Variants in NXPE2 observed in about 807,000 individuals in gnomAD.
NXPE2 encodes the protein NXPE family member 2.
In NXPE2, 34 loss-of-function variants were observed where a neutral mutation model predicts 34.4. The ratio of observed to expected loss-of-function variants is 0.99; its 90% CI spans 0.75 to 1.31. The LOEUF (loss-of-function observed/expected upper bound fraction) is 1.31, where lower values mean the gene tolerates loss of function less well. NXPE2 is among the 40% of genes most tolerant of loss of function. The probability of loss-of-function intolerance (pLI) is 0.00; values close to 1 mark genes in which losing one functional copy is unlikely to be tolerated. For missense variants in NXPE2, 649 were observed against 672.5 expected, an observed-to-expected ratio of 0.97 and a Z score of 0.39; for synonymous variants, 235 against 231.3, an observed-to-expected ratio of 1.02 and a Z score of -0.15.
the NXPE2 span, among the ~76,000 whole-genome samples, chr11:114,562,534 G>C: frequency 2.0e-5 from 3 of 152,230 alleles, no homozygotes; most frequent in South Asian, 6.2e-4. Flanking sequence ...TATCCAACAA[G>C]TTCTGTTTGA....
chr11:114,614,291 G>T, the NXPE2 span, among the ~76,000 whole-genome samples: 1 of 150,538 alleles, frequency 6.6e-6, no homozygotes, highest in South Asian at 2.1e-4. Flanking sequence ...CCTGTTACCC[G>T]GTGGATAGTA....
At chr11:114,637,201 C>T in the NXPE2 span, among the ~76,000 whole-genome samples, 6 of 151,718 alleles carry the variant, frequency 4.0e-5, no homozygotes, top group African/African-American at 1.5e-4. Flanking sequence ...TGAGTTGATC[C>T]CTTTACCATT....
chr11:114,635,279 G>A, the NXPE2 span, among the ~76,000 whole-genome samples: 4 of 150,096 alleles, frequency 2.7e-5, no homozygotes, highest in African/African-American at 9.9e-5. Context: ...TGTTGTTGGT[G>A]TATAAGAATG....
chr11:114,581,550 T>C, the NXPE2 span, among the ~76,000 whole-genome samples: 1 of 152,238 alleles, frequency 6.6e-6, no homozygotes, highest in East Asian at 1.9e-4. Context: ...GCTTATGATA[T>C]TCCAGTGATT....
At chr11:114,618,483 TAA>T in the NXPE2 span, among the ~76,000 whole-genome samples, 1 of 152,026 alleles carries the variant, frequency 6.6e-6, no homozygotes, top group South Asian at 2.1e-4. Context: ...CTGTGGATAA[TAA>T]GTGTTGCCTC....
chr11:114,584,884 A>T, the NXPE2 span, among the ~76,000 whole-genome samples: 1 of 152,152 alleles, frequency 6.6e-6, no homozygotes, highest in African/African-American at 2.4e-5. Flanking sequence ...CTTCTAGGAA[A>T]TGCCTTGCCA....
chr11:114,717,290 G>A, the NXPE2 span, among the ~76,000 whole-genome samples: 1 of 152,148 alleles, frequency 6.6e-6, no homozygotes, highest in Non-Finnish European at 1.5e-5. Context: ...CCAGCTCTCT[G>A]GACGTAAAAG....
chr11:114,750,879 G>C, the NXPE2 span, among the ~76,000 whole-genome samples: 1 of 152,152 alleles, frequency 6.6e-6, no homozygotes. Context: ...GTATTAATCA[G>C]AGTAGACTAA....
the NXPE2 span, among the ~76,000 whole-genome samples, chr11:114,662,827 G>T: frequency 7.2e-5 from 11 of 152,270 alleles, no homozygotes; most frequent in East Asian, 2.1e-3. Context: ...TCGAAGGAAA[G>T]GACCCAGTCC....
the NXPE2 span, among the ~76,000 whole-genome samples, chr11:114,508,050 G>A: frequency 2.0e-5 from 3 of 152,136 alleles, no homozygotes; most frequent in Admixed American, 6.6e-5. Context: ...CAAAGTCTCA[G>A]GTTACAAAAT....
chr11:114,676,169 A>G (rs1025376459), upstream of NXPE2, among the ~76,000 whole-genome samples: 1 of 151,926 alleles, frequency 6.6e-6, no homozygotes, highest in African/African-American at 2.4e-5. Flanking sequence ...ACATAGGGAA[A>G]AATCTCTTTG....
At chr11:114,785,192 G>A in the NXPE2 span, among the ~76,000 whole-genome samples, 1 of 152,012 alleles carries the variant, frequency 6.6e-6, no homozygotes, top group Admixed American at 6.6e-5. Flanking sequence ...CATGAACAAA[G>A]CCCAGTGAAA....
At chr11:114,691,878 C>G (rs905568844) in intron 2 of NXPE2, among the ~76,000 whole-genome samples, 1 of 152,194 alleles carries the variant, frequency 6.6e-6, no homozygotes, top group African/African-American at 2.4e-5. Flanking sequence ...GGCACTGTTC[C>G]CCAAATGGCC....
At chr11:114,467,973 C>T in the NXPE2 span, among the ~76,000 whole-genome samples, 1 of 151,620 alleles carries the variant, frequency 6.6e-6, no homozygotes, top group East Asian at 1.9e-4. Flanking sequence ...AAAAACAGAT[C>T]CCTAAGAAAT....
At chr11:114,797,681 C>T in the NXPE2 span, among the ~76,000 whole-genome samples, 13 of 152,096 alleles carry the variant, frequency 8.5e-5, no homozygotes, top group African/African-American at 2.4e-4. Context: ...TTTGCTGTGC[C>T]AGAGCTAAAT....
At chr11:114,797,249 G>A in the NXPE2 span, among the ~76,000 whole-genome samples, 2 of 152,190 alleles carry the variant, frequency 1.3e-5, no homozygotes, top group African/African-American at 4.8e-5. Flanking sequence ...GCATACAGCA[G>A]ACAGTGTCCC....
rs1951305294 is a variant in NXPE2, at chr11:114,698,545, T to C, written c.633T>C (p.Cys211=). Residue 211 remains cysteine (C), a synonymous_variant, in exon 3 of 6, where the codon TGT becomes TGC. Transcript: ENST00000389586. ...SALWRARNQG[C]DRIIFTGLFA... Reference sequence around the variant, plus strand: ...TCTGGAGGGCAAGGAACCAAGGATGTGATAGGATCATCTTCACTGGCCTGT... The same window carrying C: ...TCTGGAGGGCAAGGAACCAAGGATGCGATAGGATCATCTTCACTGGCCTGT... 6.2e-7 allele frequency: 1 copy of C among 1,614,040 alleles called. No individual in the cohort carries two copies. Among genetic ancestry groups the C allele is most frequent in the Non-Finnish European group, 8.5e-7 (1 of 1,180,008 alleles).
At chr11:114,583,180 T>C in the NXPE2 span, 1 of 842,956 alleles carries the variant, frequency 1.2e-6, no homozygotes, top group Non-Finnish European at 1.8e-6. Context: ...CAATATTATT[T>C]AAATTCTCCA....
At chr11:114,670,199 G>C in the NXPE2 span, among the ~76,000 whole-genome samples, 3 of 151,912 alleles carry the variant, frequency 2.0e-5, no homozygotes, top group Non-Finnish European at 4.4e-5. Flanking sequence ...ATTAGTAGAG[G>C]CTATCCATTA....
Sources: allele counts gnomAD v4.1 joint callset (sites outside exome capture counted in the v4.1 genomes callset), GRCh38; gene constraint gnomAD v4.1.1; transcripts MANE v1.5; gene names NCBI Gene and HGNC (gene_info 2026-07-23, HGNC 2026-07-21).